PCDHA5: variants seen among roughly 807,000 people sequenced by gnomAD.
PCDHA5 encodes the protein protocadherin alpha 5, also known as protocadherin alpha-5.
In PCDHA5, 43 loss-of-function variants were observed where a neutral mutation model predicts 61.6. That is an observed-to-expected ratio of 0.70 (90% confidence interval 0.55 to 0.90). PCDHA5 has a LOEUF of 0.90. Ranked by LOEUF, PCDHA5 falls within the 40% of genes least tolerant of loss-of-function variation. The pLI is 0.00. For missense variants in PCDHA5, 1,298 were observed against 1,222.7 expected (o/e 1.06, Z -0.92); for synonymous variants, 627 against 543.9 (o/e 1.15, Z -2.13).
rs782392001 is a variant in PCDHA5 at position 140,857,340 on chromosome 5, C to G, written c.2352+33213C>G. 2.5e-6 allele frequency: 4 copies of G among 1,598,236 alleles called. No individual in the cohort carries two copies. The South Asian group carries it at 4.4e-5, about 18-fold the overall frequency. ...GTGGTGACCGCGCGGGACGGGGGCTCGCCTCCGCTGTGGGCCACGGCCAGC... is the reference window on the plus strand; with the variant it reads ...GTGGTGACCGCGCGGGACGGGGGCTGGCCTCCGCTGTGGGCCACGGCCAGC... On this transcript the variant is annotated intron_variant, in intron 1 of 3. Coordinates refer to ENST00000529859, the MANE Select transcript of PCDHA5 (RefSeq NM_018908.3).
chr5:140,875,921 C>G, intron 1 of PCDHA5: 1 of 1,614,228 alleles, frequency 6.2e-7, no homozygotes. Flanking sequence ...CCTCTGGACT[C>G]TCATTTTCCT....
chr5:140,856,909 G>T, intron 1 of PCDHA5: 1 of 1,596,132 alleles, frequency 6.3e-7, no homozygotes, highest in African/African-American at 1.3e-5. Context: ...TCCCACCCAC[G>T]ATAAGAAGGA....
At position 140,869,261 on chromosome 5, in the gene PCDHA5, G is replaced by A. The variant is rs782291113; in HGVS notation, c.2352+45134G>A. 3 of 1,613,572 alleles carry A rather than the reference G, an allele frequency of 1.9e-6. No individual in the cohort carries two copies. In the Admixed American group the frequency reaches 5.0e-5, roughly 27 times the overall value. On this transcript the variant is annotated intron_variant, in intron 1 of 3. Transcript: ENST00000529859. ...GTGGGCCGCATCGCGCAGGACCTGG[G>A]GCTGGAGCTGGCGGAGCTGGTGCAG...
chr5:140,845,064 A>G (rs1225142446), intron 1 of PCDHA5, among the ~76,000 whole-genome samples: 1 of 149,468 alleles, frequency 6.7e-6, no homozygotes, highest in Non-Finnish European at 1.5e-5. Flanking sequence ...GGTAACCTCA[A>G]AGCAGCATTG....
At chr5:140,824,290 T>G (rs1414712153) in intron 1 of PCDHA5, 163 bp downstream of exon 1, 1 of 971,324 alleles carries the variant, frequency 1.0e-6, no homozygotes, top group African/African-American at 1.6e-5. Flanking sequence ...TTTATGAGGC[T>G]TTTCTGCTGG....
chr5:140,902,024 C>T (rs1554190174), intron 1 of PCDHA5, among the ~76,000 whole-genome samples: 5 of 152,016 alleles, frequency 3.3e-5, no homozygotes, highest in Non-Finnish European at 1.5e-5. Flanking sequence ...TATAGAAATA[C>T]TACTAATTTT....
chr5:140,846,369 C>CTTTTTTTTTTTTTTT (rs797033964), intron 1 of PCDHA5, among the ~76,000 whole-genome samples: 7 of 102,190 alleles, frequency 6.8e-5, no homozygotes, highest in Non-Finnish European at 1.2e-4. Context: ...TCTTTTCTTT[C>CTTTTTTTTTTTTTTT]TTTCTTTTTT....
chr5:140,839,198 C>T (rs1030704020), intron 1 of PCDHA5, among the ~76,000 whole-genome samples: 23 of 106,832 alleles, frequency 2.2e-4, no homozygotes, highest in Non-Finnish European at 4.1e-4. Flanking sequence ...CTATAAATAT[C>T]TTTGACCTTC....
Position 140,824,067 on chromosome 5 carries a change from CA to C in PCDHA5, c.2296del (p.Thr766GlnfsTer33). 6.2e-7 allele frequency: 1 copy of C among 1,614,190 alleles called. No individual in the cohort carries two copies. The highest frequency in any genetic ancestry group is 8.5e-7 in the Non-Finnish European group (1 of 1,180,026). On this transcript the variant is annotated frameshift_variant, in exon 1 of 4. Transcript: ENST00000529859. LOFTEE classifies it high-confidence loss of function. ...QRVCSGEAPPKTDLMAFSPSL... is the reference protein window; with the variant it reads ...QRVCSGEAPPXTDLMAFSPSL... Reference sequence around the variant, plus strand: ...GGGTGTGCTCTGGGGAAGCTCCACCCAAAACAGACCTCATGGCCTTCAGTCC... The same window carrying C: ...GGGTGTGCTCTGGGGAAGCTCCACCCAAACAGACCTCATGGCCTTCAGTCC...
At position 140,871,409 on chromosome 5, in the gene PCDHA5, T is replaced by C. The variant is rs2053060094; in HGVS notation, c.2352+47282T>C. The C allele has an allele frequency of 1.2e-6, 2 of 1,613,974 alleles. No homozygotes were observed. Among genetic ancestry groups the C allele is most frequent in the African/African-American group, 1.3e-5 (1 of 74,954 alleles). On this transcript the variant is annotated intron_variant, in intron 1 of 3. Coordinates refer to ENST00000529859, the MANE Select transcript of PCDHA5 (RefSeq NM_018908.3). ...GAGGGCCCACCTAAGACGGACCTCATGGCCTTCAGCCCCAGTCTTCCTCTA... is the reference window on the plus strand; with the variant it reads ...GAGGGCCCACCTAAGACGGACCTCACGGCCTTCAGCCCCAGTCTTCCTCTA...
intron 1 of PCDHA5, among the ~76,000 whole-genome samples, chr5:140,961,280 CT>C (rs2153727915): frequency 6.6e-6 from 1 of 152,104 alleles, no homozygotes; most frequent in Admixed American, 6.5e-5. Flanking sequence ...TACCATGGCT[CT>C]GTTTCTTGAG....
chr5:140,847,431 G>C (rs1781013253), intron 1 of PCDHA5: 1 of 149,628 alleles, frequency 6.7e-6, no homozygotes, highest in South Asian at 2.1e-4. Flanking sequence ...CTTTAGACTT[G>C]AGATACACTA....
intron 1 of PCDHA5, chr5:140,827,873 T>TA (rs1769435711): frequency 4.7e-6 from 3 of 637,520 alleles, no homozygotes; most frequent in South Asian, 4.0e-5. Flanking sequence ...ATAGCACTGT[T>TA]ACGTGAATTG....
intron 1 of PCDHA5, chr5:140,884,538 G>C: frequency 6.2e-7 from 1 of 1,614,112 alleles, no homozygotes; most frequent in Non-Finnish European, 8.5e-7. Flanking sequence ...AGGCGGCCGA[G>C]GGTGTGCTCT....
In PCDHA5 at chr5:140,822,153, T is replaced by C. The variant is rs2150114152; in HGVS notation, c.378T>C (p.Asn126=). Residue 126 remains asparagine, a synonymous_variant, in exon 1 of 4, where the codon AAT becomes AAC. Coordinates refer to ENST00000529859, the MANE Select transcript of PCDHA5 (RefSeq NM_018908.3). The stretch of plus-strand genomic sequence containing the variant: ...TGGAGGTGGCAGTGAAGGACATCAA[T>C]GACAATCCGCCCAGGTTCTCCAGAC... ...FHVEVAVKDI[N]DNPPRFSRQE... is the part of the protein sequence containing the mutation. 1 of 1,614,244 alleles carries C rather than the reference T, an allele frequency of 6.2e-7. No homozygotes were observed. Among genetic ancestry groups the C allele is most frequent in the South Asian group, 1.1e-5 (1 of 91,084 alleles).
intron 1 of PCDHA5, among the ~76,000 whole-genome samples, chr5:140,902,906 G>T (rs1047423029): frequency 9.2e-5 from 14 of 152,162 alleles, no homozygotes; most frequent in Admixed American, 3.3e-4. Context: ...TTAGTTTATG[G>T]CTGAGTAGTA....
chr5:140,857,329 G>T (rs781793178), intron 1 of PCDHA5: 1 of 1,598,568 alleles, frequency 6.3e-7, no homozygotes. Context: ...TGACCGCGCG[G>T]GACGGGGGCT....
chr5:140,935,554 GA>G (rs2090429733), intron 1 of PCDHA5, among the ~76,000 whole-genome samples: 1 of 152,134 alleles, frequency 6.6e-6, no homozygotes, highest in Non-Finnish European at 1.5e-5. Flanking sequence ...AAGTATCTTG[GA>G]AAAGTTCCTC....
intron 1 of PCDHA5, among the ~76,000 whole-genome samples, chr5:140,900,339 G>A (rs1019458960): frequency 7.2e-5 from 11 of 151,812 alleles, no homozygotes; most frequent in East Asian, 2.0e-4. Context: ...GTACCGTGGC[G>A]CAATCTTGGC....
Sources: gnomAD v4.1 joint callset for allele counts (sites outside exome capture counted in the v4.1 genomes callset) on GRCh38, gnomAD v4.1.1 for gene constraint, MANE v1.5 for transcripts, NCBI Gene and HGNC (gene_info 2026-07-23, HGNC 2026-07-21) for gene names.